KPNA7: variants seen among roughly 807,000 people sequenced by gnomAD.
KPNA7 encodes karyopherin subunit alpha 7, also known as importin subunit alpha-8.
Under a neutral mutation model 53.7 loss-of-function variants are expected in KPNA7, and 54 were observed. That is an observed-to-expected ratio of 1.01 (90% confidence interval 0.81 to 1.26). The LOEUF is 1.26. Ranked by LOEUF, KPNA7 falls within the 50% of genes most tolerant of loss-of-function variation. The probability of loss-of-function intolerance (pLI) is 0.00; values close to 1 mark genes in which losing one functional copy is unlikely to be tolerated. For missense variants in KPNA7, 640 were observed against 644.5 expected (o/e 0.99, Z 0.07); for synonymous variants, 276 against 259.3 (o/e 1.06, Z -0.62).
chr7:99,188,896 G>A (rs1352831159), intron 6 of KPNA7, among the ~76,000 whole-genome samples: 1 of 152,084 alleles, frequency 6.6e-6, no homozygotes, highest in East Asian at 1.9e-4. Flanking sequence ...TGCCCAGACT[G>A]GTCTTGAACT....
chr7:99,153,955 G>C, the KPNA7 span, among the ~76,000 whole-genome samples: 1 of 151,596 alleles, frequency 6.6e-6, no homozygotes, highest in African/African-American at 2.4e-5. Flanking sequence ...GTGACAGAGA[G>C]TCTCTAAAAA....
intron 3 of KPNA7, among the ~76,000 whole-genome samples, chr7:99,202,114 G>A (rs1205590187): frequency 6.6e-6 from 1 of 152,074 alleles, no homozygotes; most frequent in Non-Finnish European, 1.5e-5. Context: ...TGGCAACTCA[G>A]AATGACTGTA....
chr7:99,190,659 T>A (rs1210614539), intron 6 of KPNA7, among the ~76,000 whole-genome samples: 1 of 151,710 alleles, frequency 6.6e-6, no homozygotes, highest in Non-Finnish European at 1.5e-5. Flanking sequence ...AAAACTTTTT[T>A]TTTTTTTTTG....
At chr7:99,166,678 G>A in the KPNA7 span, among the ~76,000 whole-genome samples, 108 of 151,976 alleles carry the variant, frequency 7.1e-4, 1 homozygote, top group East Asian at 9.5e-3. Context: ...GGAGTGCAAT[G>A]GCATAATCTT....
At position 99,192,920 on chromosome 7, in the gene KPNA7, C is replaced by T. The variant is rs115066148; in HGVS notation, c.636+99G>A. 5,341 of 830,274 alleles carry T rather than the reference C, an allele frequency of 6.4e-3. 202 individuals are homozygous for T. In the African/African-American group the frequency reaches 0.081, roughly 13 times the overall value. The allele number at this position is 830,274 out of a possible 1,614,324, so 51.4% of individuals were successfully genotyped here. On this transcript the variant is annotated intron_variant, in intron 6 of 10. Coordinates refer to ENST00000327442, the MANE Select transcript of KPNA7 (RefSeq NM_001145715.3). ...GGAGGATTGCTTGAAGCCAGGAGTT[C>T]AAGACCAGCCTGGGCAGAATGGTGA...
intron 10 of KPNA7, among the ~76,000 whole-genome samples, chr7:99,175,403 T>A (rs1798861468): frequency 6.6e-6 from 1 of 151,756 alleles, no homozygotes; most frequent in African/African-American, 2.4e-5. Context: ...GTCTCGGAGC[T>A]CCTGGACTCA....
chr7:99,208,326 G>GCTCACTGCAAGCTCCGCC (rs1356912770), upstream of KPNA7, among the ~76,000 whole-genome samples: 1 of 152,010 alleles, frequency 6.6e-6, no homozygotes, highest in Non-Finnish European at 1.5e-5. Context: ...CGCAATCTTG[G>GCTCACTGCAAGCTCCGCC]CTCACTGCAA....
chr7:99,162,480 G>A, the KPNA7 span, among the ~76,000 whole-genome samples: 540 of 152,184 alleles, frequency 3.5e-3, 4 homozygotes, highest in African/African-American at 0.012. Flanking sequence ...CTCACCAGTC[G>A]TCCCAACTCC....
upstream of KPNA7, among the ~76,000 whole-genome samples, chr7:99,211,088 A>G (rs1042562965): frequency 1.3e-5 from 2 of 152,182 alleles, no homozygotes; most frequent in African/African-American, 4.8e-5. Flanking sequence ...TATCAATTTG[A>G]AAGGGGCAGT....
intron 1 of KPNA7, among the ~76,000 whole-genome samples, chr7:99,207,809 T>C (rs1790899911): frequency 1.3e-5 from 2 of 151,216 alleles, no homozygotes; most frequent in Non-Finnish European, 2.9e-5. Flanking sequence ...CTAATTTTTG[T>C]CTTTTTAGTA....
chr7:99,213,082 G>C (rs1791118203), upstream of KPNA7, among the ~76,000 whole-genome samples: 1 of 151,766 alleles, frequency 6.6e-6, no homozygotes, highest in South Asian at 2.1e-4. Flanking sequence ...TATAAGTCTG[G>C]AGTAGACAAG....
At chr7:99,189,056 C>T (rs17161608) in intron 6 of KPNA7, among the ~76,000 whole-genome samples, 10,860 of 152,198 alleles carry the variant, frequency 0.071, 467 homozygotes, top group East Asian at 0.17. Flanking sequence ...GAACGAGGTT[C>T]GTATTTCACA....
chr7:99,163,615 G>A, the KPNA7 span, among the ~76,000 whole-genome samples: 3 of 151,224 alleles, frequency 2.0e-5, no homozygotes, highest in Non-Finnish European at 2.9e-5. Context: ...TTGAACTCAT[G>A]GCCTCAAGTG....
upstream of KPNA7, among the ~76,000 whole-genome samples, chr7:99,208,954 T>C (rs1260133897): frequency 6.6e-6 from 1 of 151,872 alleles, no homozygotes; most frequent in African/African-American, 2.4e-5. Context: ...GAGTTCGAGA[T>C]CAGCCTGGGC....
the KPNA7 span, among the ~76,000 whole-genome samples, chr7:99,152,337 G>C: frequency 6.9e-6 from 1 of 145,352 alleles, no homozygotes; most frequent in Non-Finnish European, 1.5e-5. Context: ...ACTCCCGACA[G>C]AGCGAGAGAG....
the KPNA7 span, among the ~76,000 whole-genome samples, chr7:99,164,930 C>A: frequency 6.6e-6 from 1 of 151,560 alleles, no homozygotes; most frequent in African/African-American, 2.4e-5. Flanking sequence ...AAAACCCCGT[C>A]TGCTAAAAAT....
At position 99,181,960 on chromosome 7, in the gene KPNA7, G is replaced by T. The variant is rs978701684; in HGVS notation, c.1240C>A (p.Pro414Thr). ...IQLVHSGVLE[P>T]LVNLLTAPDV... The stretch of plus-strand genomic sequence containing the variant: ...GGGGCAGTGAGCAGATTCACCAGTG[G>T]CTCCAGGACCCCAGAGTGGACGAGC... The change falls in exon 9 of 11, where the codon CCA becomes ACA. Residue 414 changes from proline (P) to threonine (T), a missense_variant. Physicochemically the swap from Pro to Thr is conservative, Grantham distance 38. Coordinates refer to ENST00000327442, the MANE Select transcript of KPNA7 (RefSeq NM_001145715.3). 32 of 1,551,322 alleles carry T rather than the reference G, an allele frequency of 2.1e-5. No individual in the cohort carries two copies. Among genetic ancestry groups the T allele is most frequent in the African/African-American group, 2.7e-5 (2 of 73,022 alleles).
chr7:99,184,650 C>T (rs1789483800), intron 8 of KPNA7, among the ~76,000 whole-genome samples: 1 of 152,202 alleles, frequency 6.6e-6, no homozygotes, highest in Non-Finnish European at 1.5e-5. Flanking sequence ...ACCGCTTAGA[C>T]ATAAGCCAAT....
chr7:99,179,341 G>C (rs1799058263), intron 9 of KPNA7, among the ~76,000 whole-genome samples: 1 of 151,908 alleles, frequency 6.6e-6, no homozygotes, highest in African/African-American at 2.4e-5. Context: ...AGGATCACTT[G>C]AGCCCAGGAC....
Sources: allele counts gnomAD v4.1 joint callset (sites outside exome capture counted in the v4.1 genomes callset), GRCh38; gene constraint gnomAD v4.1.1; transcripts MANE v1.5; gene names NCBI Gene and HGNC (gene_info 2026-07-23, HGNC 2026-07-21).